The following TJP1 variants were observed in gnomAD, a reference collection of about 807,000 sequenced individuals.
The protein encoded by TJP1 is tight junction protein 1, also known as tight junction protein ZO-1.
TJP1 carries 43 observed loss-of-function variants against 194.2 expected under a neutral mutation model. The ratio of observed to expected loss-of-function variants is 0.22; its 90% CI spans 0.17 to 0.29. The LOEUF is 0.29. TJP1 is among the 10% of genes least tolerant of loss of function. TJP1 has a pLI of 1.00. For missense variants in TJP1, 1,971 were observed against 2,185.7 expected (o/e 0.90, Z 1.96); for synonymous variants, 801 against 779.0 (o/e 1.03, Z -0.47).
Position 29,822,020 on chromosome 15 carries a change from G to A in TJP1, c.9C>T (p.Ala3=). 1 of 1,355,296 alleles carries A rather than the reference G, an allele frequency of 7.4e-7. No individual in the cohort carries two copies. Among genetic ancestry groups the A allele is most frequent in the Non-Finnish European group, 9.5e-7 (1 of 1,050,816 alleles). 84.0% of individuals were successfully genotyped at this position (1,355,296 alleles called of 1,614,324 possible). ...CGCTCACCTTGGCGGCCGCAGCTCTGGCGGACATCTTGTCTCTCTCCAGCG... is the reference window on the plus strand; with the variant it reads ...CGCTCACCTTGGCGGCCGCAGCTCTAGCGGACATCTTGTCTCTCTCCAGCG... The part of the protein sequence containing the change: MS[A]RAAAAKSTAM... The change falls in exon 1 of 28, where the codon GCC becomes GCT. Residue 3 remains alanine (A), a synonymous_variant. Transcript: ENST00000614355.
At chr15:29,957,550 A>C (rs746369392) in intron 1 of TJP1, among the ~76,000 whole-genome samples, 1 of 152,148 alleles carries the variant, frequency 6.6e-6, no homozygotes, top group Non-Finnish European at 1.5e-5. Context: ...TTCACTTAAT[A>C]TATCTTAACG....
intron 20 of TJP1, 104 bp from the exon 21 acceptor site, chr15:29,719,242 G>A: frequency 7.7e-7 from 1 of 1,299,466 alleles, no homozygotes; most frequent in East Asian, 2.5e-5. Context: ...ATGTGAAAAT[G>A]GTATGTTTTA....
chr15:29,708,443 C>T, intron 25 of TJP1, 116 bp downstream of exon 25: 1 of 830,424 alleles, frequency 1.2e-6, no homozygotes, highest in Non-Finnish European at 1.9e-6. Context: ...CAACACTCTT[C>T]AGTTTAAAGG....
intron 2 of TJP1, among the ~76,000 whole-genome samples, chr15:29,935,910 C>T (rs759223926): frequency 2.6e-5 from 4 of 152,134 alleles, no homozygotes; most frequent in Non-Finnish European, 5.9e-5. Context: ...GAGAGTGACA[C>T]CAGACTGGCC....
At chr15:29,879,654 A>G (rs1219688094) in intron 2 of TJP1, among the ~76,000 whole-genome samples, 1 of 152,104 alleles carries the variant, frequency 6.6e-6, no homozygotes, top group South Asian at 2.1e-4. Flanking sequence ...CTGGTACCAT[A>G]GTGATGGAAT....
chr15:29,726,555 G>A, intron 17 of TJP1, 76 bp from the exon 18 acceptor site: 2 of 1,388,754 alleles, frequency 1.4e-6, no homozygotes, highest in South Asian at 1.2e-5. Context: ...CCTGCTTACA[G>A]CTAAATCGTC....
intron 1 of TJP1, chr15:29,968,588 C>G (rs983919720): frequency 5.5e-6 from 5 of 902,514 alleles, no homozygotes; most frequent in African/African-American, 5.4e-5. Flanking sequence ...CCCCGGCCGC[C>G]GCTCGCTCTC....
At chr15:29,873,468 G>A (rs1280199582) in intron 2 of TJP1, among the ~76,000 whole-genome samples, 2 of 152,184 alleles carry the variant, frequency 1.3e-5, no homozygotes, top group Admixed American at 6.5e-5. Context: ...ATCAAGCCTG[G>A]CTGCTACAAC....
intron 2 of TJP1, among the ~76,000 whole-genome samples, chr15:29,788,427 G>T: frequency 6.6e-6 from 1 of 152,176 alleles, no homozygotes; most frequent in East Asian, 1.9e-4. Flanking sequence ...CTTCAAAGAG[G>T]TTTAGAGTTT....
chr15:29,784,930 A>C (rs1160722494), intron 2 of TJP1, among the ~76,000 whole-genome samples: 3 of 152,238 alleles, frequency 2.0e-5, no homozygotes, highest in Non-Finnish European at 4.4e-5. Flanking sequence ...TGTTTCCAGT[A>C]ATCAAAGTTG....
At chr15:29,838,690 T>TA (rs1156824465) in intron 2 of TJP1, among the ~76,000 whole-genome samples, 1 of 151,926 alleles carries the variant, frequency 6.6e-6, no homozygotes, top group Admixed American at 6.6e-5. Context: ...TGTATAACCA[T>TA]AACCACCACC....
In TJP1 at chr15:29,710,800, G is replaced by A. The variant is rs552990431; in HGVS notation, c.4372+31C>T. 6 of 1,613,022 alleles carry A rather than the reference G, an allele frequency of 3.7e-6. No individual in the cohort carries two copies. The African/African-American group carries it at 6.7e-5, about 18-fold the overall frequency. Reference sequence around the variant, plus strand: ...AGAATTTTACTTCATAAGCATTACTGTGTTAAAATGTCTACTTCCGAACTT... The same window carrying A: ...AGAATTTTACTTCATAAGCATTACTATGTTAAAATGTCTACTTCCGAACTT... On this transcript the variant is annotated intron_variant, in intron 24 of 27. Coordinates refer to ENST00000614355, the MANE Select transcript of TJP1 (RefSeq NM_001330239.4).
At chr15:29,908,048 CAAAAAAAAAAAAAAAAAAAAAAAAA>C (rs1156724424) in intron 2 of TJP1, among the ~76,000 whole-genome samples, 6 of 19,524 alleles carry the variant, frequency 3.1e-4, no homozygotes, top group Admixed American at 9.8e-4. Flanking sequence ...CCTTATAAAG[CAAAAAAAAAAAAAAAAAAAAAAAAA>C]AAAAAAAAAA....
At chr15:29,875,311 T>C (rs2052659011) in intron 2 of TJP1, among the ~76,000 whole-genome samples, 1 of 152,230 alleles carries the variant, frequency 6.6e-6, no homozygotes, top group Non-Finnish European at 1.5e-5. Flanking sequence ...TGGGAGGCTT[T>C]TTAAGAGTGA....
At chr15:29,959,265 C>G (rs1567236968) in intron 1 of TJP1, among the ~76,000 whole-genome samples, 2 of 151,648 alleles carry the variant, frequency 1.3e-5, no homozygotes. Flanking sequence ...GCTGGGATTA[C>G]AGGTGTGAGC....
intron 2 of TJP1, among the ~76,000 whole-genome samples, chr15:29,908,048 CAAAAAAAAAAAAAAAAAAAAAAA>C (rs1156724424): frequency 2.0e-3 from 39 of 19,522 alleles, no homozygotes; most frequent in Non-Finnish European, 3.2e-3. Context: ...CCTTATAAAG[CAAAAAAAAAAAAAAAAAAAAAAA>C]AAAAAAAAAA....
intron 2 of TJP1, among the ~76,000 whole-genome samples, chr15:29,887,955 TCTAGC>T: frequency 6.6e-6 from 1 of 152,152 alleles, no homozygotes; most frequent in East Asian, 1.9e-4. Context: ...CTTCTGGGAA[TCTAGC>T]CTAAGGAAAC....
chr15:29,765,709 G>A (rs936772614), intron 5 of TJP1, among the ~76,000 whole-genome samples: 3 of 152,142 alleles, frequency 2.0e-5, no homozygotes, highest in African/African-American at 4.8e-5. Flanking sequence ...TGGGCAACAC[G>A]GCAAAAACCC....
chr15:29,827,267 A>G (rs1195651559), upstream of TJP1, among the ~76,000 whole-genome samples: 1 of 152,178 alleles, frequency 6.6e-6, no homozygotes, highest in African/African-American at 2.4e-5. Context: ...CCCGTGGCTC[A>G]AAGTCCCCAA....
Sources: gnomAD v4.1 joint callset for allele counts (sites outside exome capture counted in the v4.1 genomes callset) on GRCh38, gnomAD v4.1.1 for gene constraint, MANE v1.5 for transcripts, NCBI Gene and HGNC (gene_info 2026-07-23, HGNC 2026-07-21) for gene names.